Variants in DPP10 observed in about 807,000 individuals in gnomAD.
DPP10 encodes dipeptidyl peptidase like 10.
Under a neutral mutation model 120.9 loss-of-function variants are expected in DPP10, and 33 were observed. The ratio of observed to expected loss-of-function variants is 0.27; its 90% CI spans 0.21 to 0.37. The LOEUF is 0.37. Ranked by LOEUF, DPP10 falls within the 10% of genes least tolerant of loss-of-function variation. The pLI is 1.00. For missense variants in DPP10, 816 were observed against 942.8 expected (o/e 0.87, Z 1.76); for synonymous variants, 337 against 326.1 (o/e 1.03, Z -0.36).
At position 114,945,954 on chromosome 2, in the gene DPP10, A is replaced by G. The variant is rs576738310; in HGVS notation, c.61-363285A>G. 6.6e-4 allele frequency among the ~76,000 whole-genome samples: 100 copies of G among 152,322 alleles called. 1 individual carries two copies. In the South Asian group the frequency reaches 0.02, roughly 31 times the overall value. ...AACATGTACTCTAAGCCAAGTCCAAACATGAGAAAATATCAGGTAAATCCC... is the reference window on the plus strand; with the variant it reads ...AACATGTACTCTAAGCCAAGTCCAAGCATGAGAAAATATCAGGTAAATCCC... On this transcript the variant is annotated intron_variant, in intron 1 of 25. Coordinates refer to ENST00000410059, the MANE Select transcript of DPP10 (RefSeq NM_020868.6).
rs189433349 is a variant in DPP10 at position 114,960,648 on chromosome 2, A to G, written c.61-348591A>G. Among the ~76,000 whole-genome samples the G allele has an allele frequency of 9.2e-5, 14 of 152,294 alleles. No homozygotes were observed. The East Asian group carries it at 2.3e-3, about 25-fold the overall frequency. On this transcript the variant is annotated intron_variant, in intron 1 of 25. Coordinates refer to ENST00000410059, the MANE Select transcript of DPP10 (RefSeq NM_020868.6). ...CTGAAATGAAAATCCAGTTGTAATCATAATAACACTCGCACAGTGGTGATA... is the reference window on the plus strand; with the variant it reads ...CTGAAATGAAAATCCAGTTGTAATCGTAATAACACTCGCACAGTGGTGATA...
At chr2:115,115,193 T>C (rs1419561575) in intron 1 of DPP10, among the ~76,000 whole-genome samples, 2 of 152,040 alleles carry the variant, frequency 1.3e-5, no homozygotes, top group Non-Finnish European at 2.9e-5. Context: ...AGAGCTCTTG[T>C]CCTCCAACCT....
In DPP10 at chr2:115,808,832, A is replaced by G. The variant is rs186221306; in HGVS notation, c.1701-5961A>G. On this transcript the variant is annotated intron_variant, in intron 19 of 25. Transcript: ENST00000410059. ...ATTTGAGAATTTAATTTATGAACAGAATTTTTTATACATTATCAGGTAGCC... is the reference window on the plus strand; with the variant it reads ...ATTTGAGAATTTAATTTATGAACAGGATTTTTTATACATTATCAGGTAGCC... 5.9e-5 allele frequency among the ~76,000 whole-genome samples: 9 copies of G among 152,322 alleles called. No homozygotes were observed. The East Asian group carries it at 1.3e-3, about 23-fold the overall frequency.
intron 5 of DPP10, among the ~76,000 whole-genome samples, chr2:115,663,915 A>G (rs2089228415): frequency 6.6e-6 from 1 of 151,854 alleles, no homozygotes; most frequent in African/African-American, 2.4e-5. Context: ...GAATTGCTTG[A>G]ACCCGGGAGG....
intron 5 of DPP10, among the ~76,000 whole-genome samples, chr2:115,605,296 G>A (rs1302477556): frequency 1.3e-5 from 2 of 152,004 alleles, no homozygotes; most frequent in Non-Finnish European, 2.9e-5. Flanking sequence ...AGAAGACTGT[G>A]AGCTAGAGAG....
At chr2:115,236,971 T>C (rs536619977) in intron 1 of DPP10, among the ~76,000 whole-genome samples, 1 of 152,310 alleles carries the variant, frequency 6.6e-6, no homozygotes, top group African/African-American at 2.4e-5. Flanking sequence ...AAGATTACAA[T>C]GTTGAAAATC....
chr2:115,777,888 A>T, intron 15 of DPP10, 54 bp downstream of exon 15: 1 of 1,557,338 alleles, frequency 6.4e-7, no homozygotes, highest in Non-Finnish European at 8.8e-7. Flanking sequence ...ATGGCTATCT[A>T]TGTAGCATAA....
chr2:114,664,989 C>CCAAAAGATGGCAGAGAGCATA (rs1697806548), intron 1 of DPP10, among the ~76,000 whole-genome samples: 3 of 147,604 alleles, frequency 2.0e-5, no homozygotes, highest in South Asian at 4.2e-4. Context: ...CAGAGAGCAT[C>CCAAAAGATGGCAGAGAGCATA]CAAAAGATGG....
At chr2:114,917,083 C>T (rs1694861874) in intron 1 of DPP10, among the ~76,000 whole-genome samples, 1 of 152,136 alleles carries the variant, frequency 6.6e-6, no homozygotes, top group African/African-American at 2.4e-5. Context: ...TAGTCTCTGC[C>T]CAAATGTTCC....
Position 115,517,546 on chromosome 2 carries a change from G to A in DPP10, c.367-8352G>A, listed in dbSNP as rs190284029. ...CATGCATATTTGCATTTAACCTGTA[G>A]TCCAGTTATTTTATAACTACAAGAT... On this transcript the variant is annotated intron_variant, in intron 4 of 25. Coordinates refer to ENST00000410059, the MANE Select transcript of DPP10 (RefSeq NM_020868.6). Among the ~76,000 whole-genome samples, 1,099 of 152,122 alleles carry A rather than the reference G, an allele frequency of 7.2e-3. 14 individuals carry two copies. Among genetic ancestry groups the A allele is most frequent in the South Asian group, 0.045 (217 of 4,826 alleles).
At chr2:115,087,551 T>TG (rs1478176754) in intron 1 of DPP10, among the ~76,000 whole-genome samples, 1 of 145,074 alleles carries the variant, frequency 6.9e-6, no homozygotes, top group Non-Finnish European at 1.5e-5. Flanking sequence ...TTTTTTTTTT[T>TG]TTTTTGACAG....
intron 3 of DPP10, among the ~76,000 whole-genome samples, chr2:115,493,395 G>A (rs1175048152): frequency 6.6e-6 from 1 of 152,024 alleles, no homozygotes; most frequent in Non-Finnish European, 1.5e-5. Context: ...TACAAGATAT[G>A]TGATCTAGCA....
chr2:115,544,321 A>G (rs2079365473), intron 5 of DPP10, among the ~76,000 whole-genome samples: 1 of 152,094 alleles, frequency 6.6e-6, no homozygotes, highest in South Asian at 2.1e-4. Flanking sequence ...CTCCTGGGCT[A>G]CCTTCAGCAT....
intron 7 of DPP10, among the ~76,000 whole-genome samples, chr2:115,715,028 CAAAAAAA>C (rs70941091): frequency 1.7e-4 from 11 of 66,156 alleles, no homozygotes; most frequent in African/African-American, 5.9e-4. Flanking sequence ...GACTCTGTCT[CAAAAAAA>C]AAAAAAAAAA....
intron 1 of DPP10, among the ~76,000 whole-genome samples, chr2:114,455,156 T>TTTTGTG (rs1553443770): frequency 3.5e-4 from 51 of 147,492 alleles, no homozygotes; most frequent in East Asian, 1.4e-3. Flanking sequence ...TTTCTTTCTA[T>TTTTGTG]TGTGTGTGTG....
chr2:115,547,579 C>A (rs1353233179), intron 5 of DPP10, among the ~76,000 whole-genome samples: 1 of 151,980 alleles, frequency 6.6e-6, no homozygotes, highest in Non-Finnish European at 1.5e-5. Context: ...TCAACACCTG[C>A]CTGGGCAACA....
chr2:114,855,459 CT>C (rs1469316405), intron 1 of DPP10, among the ~76,000 whole-genome samples: 3 of 152,144 alleles, frequency 2.0e-5, no homozygotes, highest in Non-Finnish European at 4.4e-5. Flanking sequence ...TAAACAACCC[CT>C]GTGGCAGTTC....
intron 1 of DPP10, among the ~76,000 whole-genome samples, chr2:115,223,102 CTAAG>C (rs2057258532): frequency 6.6e-6 from 1 of 151,984 alleles, no homozygotes; most frequent in African/African-American, 2.4e-5. Context: ...GAGGACTCAG[CTAAG>C]TAAGAAAGCC....
intron 1 of DPP10, chr2:115,066,728 A>C (rs1439909504): frequency 6.6e-6 from 1 of 152,232 alleles, no homozygotes; most frequent in Non-Finnish European, 1.5e-5. Flanking sequence ...CTAAGGGAAC[A>C]AAATAACAGC....
Sources: allele counts gnomAD v4.1 joint callset (sites outside exome capture counted in the v4.1 genomes callset), GRCh38; gene constraint gnomAD v4.1.1; transcripts MANE v1.5; gene names NCBI Gene and HGNC (gene_info 2026-07-23, HGNC 2026-07-21).